SLC37A3: variants seen among roughly 807,000 people sequenced by gnomAD.
SLC37A3 encodes the protein sugar phosphate exchanger 3.
Under a neutral mutation model 67.1 loss-of-function variants are expected in SLC37A3, and 51 were observed. That is an observed-to-expected ratio of 0.76 (90% CI 0.61 to 0.96). The LOEUF is 0.96. SLC37A3 is among the 40% of genes least tolerant of loss of function. The probability of loss-of-function intolerance (pLI) is 0.00; values close to 1 mark genes in which losing one functional copy is unlikely to be tolerated. For missense variants in SLC37A3, 508 were observed against 603.0 expected, an observed-to-expected ratio of 0.84 and a Z score of 1.65; for synonymous variants, 214 against 231.4, an observed-to-expected ratio of 0.92 and a Z score of 0.68.
At chr7:140,338,868 C>A (rs905622593) in intron 13 of SLC37A3, among the ~76,000 whole-genome samples, 1 of 151,788 alleles carries the variant, frequency 6.6e-6, no homozygotes, top group Non-Finnish European at 1.5e-5. Flanking sequence ...CAGGTTCAAG[C>A]GATTATCTTG....
rs759103089 is a variant in SLC37A3 at position 140,355,677 on chromosome 7, A to G, written c.609T>C (p.Tyr203=). ...AGAAAACAATACCTACCTCATAACC[A>G]TACTGAAGAACAGAAGAAGCTAGGC... The part of the protein sequence containing the change: ...GACLASSVLQ[Y]GYEYAFLVTA... The change falls in exon 7 of 15, where the codon TAT becomes TAC. Residue 203 remains tyrosine (Y), a synonymous_variant. Transcript: ENST00000326232. 2.9e-5 allele frequency: 46 copies of G among 1,613,798 alleles called. No homozygotes were observed. The East Asian group carries it at 9.8e-4, about 34-fold the overall frequency.
chr7:140,364,839 A>G (rs945024530), intron 4 of SLC37A3, among the ~76,000 whole-genome samples: 5 of 152,224 alleles, frequency 3.3e-5, no homozygotes, highest in Admixed American at 6.5e-5. Context: ...ATAAATAAAT[A>G]AGAATGACTC....
Position 140,336,082 on chromosome 7 carries a change from C to T in SLC37A3, c.1393-578G>A, listed in dbSNP as rs545964716. On this transcript the variant is annotated intron_variant, in intron 14 of 14. Coordinates refer to ENST00000326232, the MANE Select transcript of SLC37A3 (RefSeq NM_207113.3). ...GGATTTGGGGACAGGATACTGAATG[C>T]GTCCCTGGTGCCTTCCAGACTCTCT... Among the ~76,000 whole-genome samples the T allele has an allele frequency of 3.7e-4, 57 of 152,344 alleles. 1 individual carries two copies. The highest frequency in any genetic ancestry group is 5.7e-4 in the Non-Finnish European group (39 of 68,038).
chr7:140,365,919 C>CTTTTTTTTTTTT lies in SLC37A3; in HGVS notation c.292-1440_292-1429dup, dbSNP rs71170981. On this transcript the variant is annotated intron_variant, in intron 4 of 14. Transcript: ENST00000326232. Reference sequence around the variant, plus strand: ...GCTTCAGATGACAGAACAATACATGCTTTTTTTTTTTTTTTTTTTTTTTTT... The same window carrying CTTTTTTTTTTTT: ...GCTTCAGATGACAGAACAATACATGCTTTTTTTTTTTTTTTTTTTTTTTTTTTTTTTTTTTTT... Among the ~76,000 whole-genome samples the CTTTTTTTTTTTT allele has an allele frequency of 4.6e-5, 2 of 43,906 alleles. 1 individual carries two copies. 28.8% of individuals were successfully genotyped at this position (43,906 alleles called of 152,430 possible). A position where few individuals can be genotyped will look rare whatever the true frequency, so the allele number is the denominator to read the frequency against.
intron 7 of SLC37A3, 102 bp from the exon 8 acceptor site, chr7:140,352,248 T>TG: frequency 4.0e-6 from 1 of 252,864 alleles, no homozygotes; most frequent in Non-Finnish European, 8.2e-6. Context: ...GGGGGAGAGG[T>TG]GGGAAGGGAG....
chr7:140,340,913 A>G (rs1415503234), intron 13 of SLC37A3, among the ~76,000 whole-genome samples: 3 of 144,896 alleles, frequency 2.1e-5, no homozygotes, highest in African/African-American at 8.1e-5. Flanking sequence ...GCCTGGGCAT[A>G]AGAGCCAGAT....
chr7:140,363,016 A>C (rs373056304), intron 5 of SLC37A3, among the ~76,000 whole-genome samples: 47 of 70,900 alleles, frequency 6.6e-4, no homozygotes, highest in East Asian at 3.2e-3. Flanking sequence ...GCCGCCCCTA[A>C]TGGGAAGTGA....
At chr7:140,339,445 G>A (rs1796270312) in intron 13 of SLC37A3, among the ~76,000 whole-genome samples, 2 of 151,624 alleles carry the variant, frequency 1.3e-5, no homozygotes, top group Admixed American at 6.6e-5. Context: ...ATTTTTAGTA[G>A]AGACAGGGTT....
intron 14 of SLC37A3, among the ~76,000 whole-genome samples, chr7:140,336,625 G>T (rs1796140726): frequency 6.6e-6 from 1 of 152,136 alleles, no homozygotes; most frequent in Admixed American, 6.5e-5. Flanking sequence ...GGTATACATT[G>T]TAATTTACTT....
At chr7:140,341,700 G>A (rs972954423) in intron 13 of SLC37A3, among the ~76,000 whole-genome samples, 1 of 152,210 alleles carries the variant, frequency 6.6e-6, no homozygotes, top group Non-Finnish European at 1.5e-5. Flanking sequence ...CAAGTTCACA[G>A]TGAGGGATCT....
intron 6 of SLC37A3, among the ~76,000 whole-genome samples, chr7:140,356,883 G>A (rs767219219): frequency 2.6e-5 from 4 of 152,098 alleles, no homozygotes; most frequent in Non-Finnish European, 5.9e-5. Context: ...AATGTAAAAT[G>A]GTACGACCAC....
chr7:140,386,357 A>G (rs1798449849), intron 1 of SLC37A3, among the ~76,000 whole-genome samples: 1 of 152,000 alleles, frequency 6.6e-6, no homozygotes, highest in Admixed American at 6.6e-5. Context: ...AGCGTGAGCC[A>G]CCTCGCCCAG....
chr7:140,387,658 A>G (rs1202099265), intron 1 of SLC37A3, among the ~76,000 whole-genome samples: 2 of 117,342 alleles, frequency 1.7e-5, no homozygotes, highest in East Asian at 4.2e-4. Flanking sequence ...TATATTATAT[A>G]AATATAAATA....
intron 1 of SLC37A3, among the ~76,000 whole-genome samples, chr7:140,392,213 T>C (rs964873921): frequency 7.9e-5 from 12 of 152,136 alleles, no homozygotes; most frequent in African/African-American, 2.9e-4. Flanking sequence ...CTGAAAGGTG[T>C]CCGTGTAACC....
chr7:140,339,138 G>A (rs1226290332), intron 13 of SLC37A3, among the ~76,000 whole-genome samples: 2 of 152,018 alleles, frequency 1.3e-5, no homozygotes, highest in Non-Finnish European at 2.9e-5. Context: ...AGTATTCCCT[G>A]GTATGGATAT....
At chr7:140,364,838 T>A (rs1340312780) in intron 4 of SLC37A3, among the ~76,000 whole-genome samples, 1 of 152,012 alleles carries the variant, frequency 6.6e-6, no homozygotes, top group African/African-American at 2.4e-5. Flanking sequence ...AATAAATAAA[T>A]AAGAATGACT....
Position 140,396,882 on chromosome 7 carries a change from G to GTT in SLC37A3, c.-71+1532_-71+1533dup, listed in dbSNP as rs199685905. Among the ~76,000 whole-genome samples, 41 of 100,838 alleles carry GTT rather than the reference G, an allele frequency of 4.1e-4. 2 individuals are homozygous for GTT. Among genetic ancestry groups the GTT allele is most frequent in the South Asian group, 7.4e-4 (2 of 2,706 alleles). 66.2% of individuals were successfully genotyped at this position (100,838 alleles called of 152,430 possible). ...GTAGCTTCTCTGAATCTCAATTTCT[G>GTT]TTTTTTTTTTTGTTTTTTTTTTTTT... On this transcript the variant is annotated intron_variant, in intron 1 of 14. Coordinates refer to ENST00000326232, the MANE Select transcript of SLC37A3 (RefSeq NM_207113.3).
intron 5 of SLC37A3, among the ~76,000 whole-genome samples, chr7:140,361,656 C>T (rs1433125419): frequency 6.7e-6 from 1 of 149,854 alleles, no homozygotes; most frequent in African/African-American, 2.4e-5. Context: ...CTGCCTGATT[C>T]TCCTGCCTCA....
chr7:140,374,890 G>A (rs1050094468), intron 3 of SLC37A3, among the ~76,000 whole-genome samples: 7 of 151,958 alleles, frequency 4.6e-5, no homozygotes, highest in Non-Finnish European at 1.0e-4. Context: ...GCTCACACCT[G>A]TAATCCCAAC....
Sources: gnomAD v4.1 joint callset for allele counts (sites outside exome capture counted in the v4.1 genomes callset) on GRCh38, gnomAD v4.1.1 for gene constraint, MANE v1.5 for transcripts, NCBI Gene and HGNC (gene_info 2026-07-23, HGNC 2026-07-21) for gene names.